The following UNC5D variants were observed in gnomAD, a reference collection of about 807,000 sequenced individuals.
UNC5D encodes unc-5 netrin receptor D.
In UNC5D, 39 loss-of-function variants were observed where a neutral mutation model predicts 105.4. The observed-to-expected ratio is 0.37, with a 90% CI of 0.29 to 0.48. The LOEUF (loss-of-function observed/expected upper bound fraction) is 0.48. Among genes scored for constraint, UNC5D ranks in the 20% least tolerant of loss-of-function variants. The pLI, the probability that UNC5D is intolerant of heterozygous loss-of-function variation, is 0.98. For synonymous variants in UNC5D, 452 were observed against 450.4 expected (o/e 1.00, Z -0.04); for missense variants, 991 against 1,202.4 (o/e 0.82, Z 2.60).
intron 1 of UNC5D, among the ~76,000 whole-genome samples, chr8:35,272,439 C>A (rs1805476230): frequency 6.6e-6 from 1 of 152,104 alleles, no homozygotes; most frequent in South Asian, 2.1e-4. Flanking sequence ...AGGTCAATAT[C>A]CTTGCAGCAG....
At chr8:35,550,909 G>A (rs756393986) in intron 2 of UNC5D, among the ~76,000 whole-genome samples, 13 of 152,134 alleles carry the variant, frequency 8.5e-5, no homozygotes, top group Non-Finnish European at 1.9e-4. Flanking sequence ...AGAAAGCTTG[G>A]TATACGTTCA....
intron 8 of UNC5D, among the ~76,000 whole-genome samples, chr8:35,711,273 G>A (rs950151433): frequency 2.1e-4 from 32 of 151,950 alleles, no homozygotes; most frequent in Admixed American, 4.6e-4. Flanking sequence ...TCTGCCTCCC[G>A]GGTTCAAGCG....
chr8:35,404,253 A>G (rs1804661615), intron 1 of UNC5D, among the ~76,000 whole-genome samples: 1 of 152,192 alleles, frequency 6.6e-6, no homozygotes, highest in South Asian at 2.1e-4. Flanking sequence ...TTCAGAAGGA[A>G]GAAGCCTCTT....
chr8:35,599,490 G>A (rs1819706398), intron 4 of UNC5D, among the ~76,000 whole-genome samples: 1 of 152,088 alleles, frequency 6.6e-6, no homozygotes, highest in South Asian at 2.1e-4. Flanking sequence ...TATACAATTT[G>A]TTAGCTTAAA....
At chr8:35,324,809 GA>G (rs369924601) in intron 1 of UNC5D, among the ~76,000 whole-genome samples, 35 of 152,250 alleles carry the variant, frequency 2.3e-4, no homozygotes, top group African/African-American at 7.9e-4. Context: ...TCTCTGTGCT[GA>G]AAAAGGCAGC....
intron 7 of UNC5D, among the ~76,000 whole-genome samples, chr8:35,703,495 G>T (rs1249155225): frequency 6.6e-6 from 1 of 152,164 alleles, no homozygotes. Context: ...GGGAAGTGCC[G>T]CACTCATGCC....
At chr8:35,499,156 A>G (rs1410935145) in intron 1 of UNC5D, among the ~76,000 whole-genome samples, 1 of 152,214 alleles carries the variant, frequency 6.6e-6, no homozygotes, top group Non-Finnish European at 1.5e-5. Context: ...CTAGCTAAGA[A>G]TAAACACCAC....
At chr8:35,373,434 C>T (rs1802532835) in intron 1 of UNC5D, among the ~76,000 whole-genome samples, 1 of 152,202 alleles carries the variant, frequency 6.6e-6, no homozygotes, top group Non-Finnish European at 1.5e-5. Flanking sequence ...GCCTTCTTCT[C>T]TCCTGTCAGG....
At chr8:35,626,798 G>T (rs1821723206) in intron 4 of UNC5D, among the ~76,000 whole-genome samples, 1 of 152,050 alleles carries the variant, frequency 6.6e-6, no homozygotes, top group Non-Finnish European at 1.5e-5. Flanking sequence ...ACATATACAT[G>T]TAGGGCCTAG....
intron 1 of UNC5D, among the ~76,000 whole-genome samples, chr8:35,541,737 C>T (rs897529374): frequency 3.3e-5 from 5 of 152,126 alleles, no homozygotes; most frequent in African/African-American, 4.8e-5. Context: ...TATTATTTAT[C>T]TCTATTTTTA....
At chr8:35,669,315 A>G (rs984789968) in intron 4 of UNC5D, among the ~76,000 whole-genome samples, 1 of 151,770 alleles carries the variant, frequency 6.6e-6, no homozygotes, top group African/African-American at 2.4e-5. Flanking sequence ...CTTCATTTCA[A>G]TCTATTGATT....
chr8:35,475,196 C>G (rs926668606), intron 1 of UNC5D, among the ~76,000 whole-genome samples: 1 of 152,104 alleles, frequency 6.6e-6, no homozygotes, highest in Non-Finnish European at 1.5e-5. Flanking sequence ...GGAGTCCAGA[C>G]TTGGTACTAT....
chr8:35,289,471 T>A (rs946076036), intron 1 of UNC5D, among the ~76,000 whole-genome samples: 1 of 152,170 alleles, frequency 6.6e-6, no homozygotes, highest in Non-Finnish European at 1.5e-5. Context: ...AAAGAAACAC[T>A]GGAATTGAAT....
chr8:35,339,934 G>A (rs950433104), intron 1 of UNC5D, among the ~76,000 whole-genome samples: 2 of 152,122 alleles, frequency 1.3e-5, no homozygotes, highest in African/African-American at 4.8e-5. Context: ...TTTGTCCTTG[G>A]TCAGGTCACA....
Position 35,660,424 on chromosome 8 carries a change from A to G in UNC5D, c.571-23123A>G, listed in dbSNP as rs372414362. ...TGATCTGTAACCATGACTTCATGGT[A>G]TTTAATGTTGCCACATGCAGATACT... is the stretch of plus-strand genomic sequence containing the variant. On this transcript the variant is annotated intron_variant, in intron 4 of 16. Transcript: ENST00000404895. Among the ~76,000 whole-genome samples, 49 of 152,276 alleles carry G rather than the reference A, an allele frequency of 3.2e-4. 1 individual carries two copies. The highest frequency in any genetic ancestry group is 1.1e-3 in the African/African-American group (47 of 41,566).
chr8:35,235,706 C>G lies in UNC5D; in HGVS notation c.-79C>G. On this transcript the variant is annotated 5_prime_UTR_variant, in exon 1 of 17. Coordinates refer to ENST00000404895, the MANE Select transcript of UNC5D (RefSeq NM_080872.4). ...CTGAAGACTCCCGAGACCCATTCGA[C>G]TCGGGACCCTCATCGCCGACCCTTT... 3 of 1,101,614 alleles carry G rather than the reference C, an allele frequency of 2.7e-6. No individual in the cohort carries two copies. The highest frequency in any genetic ancestry group is 2.3e-6 in the Non-Finnish European group (2 of 870,060). The allele number at this position is 1,101,614 out of a possible 1,614,324, so 68.2% of individuals were successfully genotyped here.
intron 3 of UNC5D, among the ~76,000 whole-genome samples, chr8:35,572,351 T>C (rs947845907): frequency 1.3e-5 from 2 of 148,518 alleles, no homozygotes; most frequent in South Asian, 2.2e-4. Context: ...GCTTAACCTC[T>C]ATGGCATCTG....
chr8:35,792,834 A>C lies in UNC5D; in HGVS notation c.*2271A>C, dbSNP rs930367065. 3 of 331,968 alleles carry C rather than the reference A, an allele frequency of 9.0e-6. No individual in the cohort carries two copies. Among genetic ancestry groups the C allele is most frequent in the African/African-American group, 4.4e-5 (2 of 45,418 alleles). The allele number at this position is 331,968 out of a possible 1,614,324, so 20.6% of individuals were successfully genotyped here. On this transcript the variant is annotated 3_prime_UTR_variant, in exon 17 of 17. Transcript: ENST00000404895. ...TGAATCTACATAGGTCTTTTTTTTTAGATGTTTGATACATTTTAAGTATTT... is the reference window on the plus strand; with the variant it reads ...TGAATCTACATAGGTCTTTTTTTTTCGATGTTTGATACATTTTAAGTATTT...
At chr8:35,705,181 G>C (rs1827485987) in intron 7 of UNC5D, among the ~76,000 whole-genome samples, 1 of 152,072 alleles carries the variant, frequency 6.6e-6, no homozygotes, top group Non-Finnish European at 1.5e-5. Context: ...AGCCAGGATG[G>C]TCTCGATCTC....
Sources: gnomAD v4.1 joint callset for allele counts (sites outside exome capture counted in the v4.1 genomes callset) on GRCh38, gnomAD v4.1.1 for gene constraint, MANE v1.5 for transcripts, NCBI Gene and HGNC (gene_info 2026-07-23, HGNC 2026-07-21) for gene names.